Variants in SECISBP2L observed in about 807,000 individuals in gnomAD.
SECISBP2L encodes selenocysteine insertion sequence-binding protein 2-like.
SECISBP2L carries 43 observed loss-of-function variants against 114.7 expected under a neutral mutation model. The ratio of observed to expected loss-of-function variants is 0.38; its 90% CI spans 0.29 to 0.48. SECISBP2L has a LOEUF of 0.48. Ranked by LOEUF, SECISBP2L falls within the 20% of genes least tolerant of loss-of-function variation. The pLI, the probability that SECISBP2L is intolerant of heterozygous loss-of-function variation, is 0.98. For missense variants in SECISBP2L, 1,136 were observed against 1,301.1 expected (o/e 0.87, Z 1.95); for synonymous variants, 451 against 439.7 (o/e 1.03, Z -0.32).
intron 17 of SECISBP2L, among the ~76,000 whole-genome samples, chr15:48,995,357 C>T (rs1902066046): frequency 6.6e-6 from 1 of 152,160 alleles, no homozygotes; most frequent in Admixed American, 6.5e-5. Context: ...CCCTGGCCAA[C>T]AGTTTCCTAA....
chr15:49,031,147 C>T (rs1902881400), intron 4 of SECISBP2L, among the ~76,000 whole-genome samples: 1 of 141,042 alleles, frequency 7.1e-6, no homozygotes, highest in East Asian at 2.2e-4. Flanking sequence ...CTACCAGGTT[C>T]AAGTGATTCT....
Position 49,002,475 on chromosome 15 carries a change from T to C in SECISBP2L, c.2028-1378A>G, listed in dbSNP as rs113542149. On this transcript the variant is annotated intron_variant, in intron 14 of 17. Transcript: ENST00000559471. ...TTTAACTAGATCCCATCTGTCAATT[T>C]TGGCTTTTGTTGCCATTGCTTTTGG... Among the ~76,000 whole-genome samples the C allele has an allele frequency of 3.1e-3, 478 of 152,332 alleles. 1 individual carries two copies. The highest frequency in any genetic ancestry group is 0.011 in the African/African-American group (453 of 41,558).
At chr15:49,028,073 T>C (rs76487480) in intron 6 of SECISBP2L, 71 bp downstream of exon 6, 2 of 1,371,788 alleles carry the variant, frequency 1.5e-6, no homozygotes, top group Non-Finnish European at 2.0e-6. Context: ...GCAAGCCTCA[T>C]GCTTAAAAGG....
rs779181187 is a variant in SECISBP2L at position 49,046,434 on chromosome 15, C to A, written c.-135G>T. 1 of 982,742 alleles carries A rather than the reference C, an allele frequency of 1.0e-6. No individual in the cohort carries two copies. Among genetic ancestry groups the A allele is most frequent in the South Asian group, 2.1e-5 (1 of 46,676 alleles). 60.9% of individuals were successfully genotyped at this position (982,742 alleles called of 1,614,324 possible). On this transcript the variant is annotated 5_prime_UTR_variant, in exon 1 of 18. Transcript: ENST00000559471. The stretch of plus-strand genomic sequence containing the variant: ...TATCTGGCTGGCCGCGACACCGATT[C>A]GGCTACGCCACTGGCCGAGGAGGCG...
intron 1 of SECISBP2L, among the ~76,000 whole-genome samples, chr15:49,040,524 A>ATT (rs1489343303): frequency 3.9e-4 from 28 of 71,110 alleles, no homozygotes; most frequent in South Asian, 8.5e-4. Flanking sequence ...ATCCCAAACT[A>ATT]TTCTTTTTTT....
intron 6 of SECISBP2L, 66 bp from the exon 7 acceptor site, chr15:49,027,546 A>C (rs1165708685): frequency 1.6e-5 from 14 of 865,432 alleles, no homozygotes; most frequent in Non-Finnish European, 2.3e-5. Context: ...AATTGACCTG[A>C]CTTCACATAC....
chr15:49,034,292 C>A (rs1381408691), intron 3 of SECISBP2L, among the ~76,000 whole-genome samples: 1 of 152,300 alleles, frequency 6.6e-6, no homozygotes, highest in East Asian at 1.9e-4. Flanking sequence ...AAAGTGCCAA[C>A]TAGAAACACA....
At chr15:49,035,824 T>C (rs1456422253) in intron 2 of SECISBP2L, among the ~76,000 whole-genome samples, 166 bp from the exon 3 acceptor site, 2 of 152,254 alleles carry the variant, frequency 1.3e-5, no homozygotes. Flanking sequence ...TTCTTTGCTA[T>C]AGAGATCATT....
chr15:49,037,678 T>C lies in SECISBP2L; in HGVS notation c.116A>G (p.Asn39Ser). 3 of 1,613,900 alleles carry C rather than the reference T, an allele frequency of 1.9e-6. No individual in the cohort carries two copies. The highest frequency in any genetic ancestry group is 2.5e-6 in the Non-Finnish European group (3 of 1,179,878). The change falls in exon 2 of 18, where the codon AAT becomes AGT. Residue 39 changes from asparagine to serine, a missense_variant. Around this residue, in one of 2 missense-constraint regions of SECISBP2L, gnomAD observed 452 missense variants for 452.3 expected, o/e 1.00. Transcript: ENST00000559471. ...FMIPMALPND[N>S]GSVSGVEPTP... ...TGGTTCCACACCAGAAACACTTCCA[T>C]TATCATTTGGGAGAGCCATAGGGAT... is the stretch of plus-strand genomic sequence containing the variant.
chr15:49,016,594 C>T lies in SECISBP2L; in HGVS notation c.1527G>A (p.Arg509=), dbSNP rs752665203. Residue 509 remains arginine (R), a synonymous_variant, in exon 11 of 18, where the codon CGG becomes CGA. Transcript: ENST00000559471. ...ACAGAGGTCTGGTGTTAGTAATTTGCCGTGCTTTCATTGCTTGCTGTTGTT... is the reference window on the plus strand; with the variant it reads ...ACAGAGGTCTGGTGTTAGTAATTTGTCGTGCTTTCATTGCTTGCTGTTGTT... ...LEKQQQAMKA[R]QITNTRPLSY... The T allele has an allele frequency of 1.7e-5, 28 of 1,610,646 alleles. No homozygotes were observed. The highest frequency in any genetic ancestry group is 6.7e-5 in the Admixed American group (4 of 59,878).
chr15:49,044,754 C>T (rs1476309806), intron 1 of SECISBP2L, among the ~76,000 whole-genome samples: 2 of 152,154 alleles, frequency 1.3e-5, no homozygotes, highest in Non-Finnish European at 2.9e-5. Context: ...TTGCTCACAG[C>T]ACTTGCTGCT....
chr15:48,993,100 A>AGAGAGTGT lies in SECISBP2L; in HGVS notation c.2624-175_2624-174insACACTCTC, dbSNP rs772299775. 9.3e-3 allele frequency among the ~76,000 whole-genome samples: 1,300 copies of AGAGAGTGT among 139,188 alleles called. 27 individuals carry two copies. Among genetic ancestry groups the AGAGAGTGT allele is most frequent in the African/African-American group, 0.029 (1,039 of 35,402 alleles). The allele number at this position is 139,188 out of a possible 152,430, so 91.3% of individuals were successfully genotyped here. A position where few individuals can be genotyped will look rare whatever the true frequency, so the allele number is the denominator to read the frequency against. On this transcript the variant is annotated intron_variant, in intron 17 of 17. Transcript: ENST00000559471. ...TAGTACTAGTTTGAGACAGAGAGAGAGTGTGTGTGTGTGTGTGTGTGTGTG... is the reference window on the plus strand; with the variant it reads ...TAGTACTAGTTTGAGACAGAGAGAGAGAGAGTGTGTGTGTGTGTGTGTGTGTGTGTGTG...
intron 13 of SECISBP2L, among the ~76,000 whole-genome samples, chr15:49,011,036 T>C (rs183472151): frequency 2.4e-4 from 36 of 152,282 alleles, no homozygotes; most frequent in African/African-American, 7.9e-4. Context: ...TAAACAAACA[T>C]GTCCCCAGTG....
chr15:48,992,532 G>A lies in SECISBP2L; in HGVS notation c.3018C>T (p.Pro1006=), dbSNP rs374172019. The A allele has an allele frequency of 4.3e-6, 7 of 1,614,114 alleles. No individual in the cohort carries two copies. The highest frequency in any genetic ancestry group is 5.1e-6 in the Non-Finnish European group (6 of 1,180,024). Residue 1006 remains proline, a synonymous_variant, in exon 18 of 18, where the codon CCC becomes CCT. Transcript: ENST00000559471. ...TATTGAGCTGCACTTCTACAGATAT[G>A]GGTTCATGAGTATAATCTTCCTCCT... ...EEEEEDYTHE[P]ISVEVQLNSR...
At chr15:49,027,765 C>G (rs1196442870) in intron 6 of SECISBP2L, among the ~76,000 whole-genome samples, 2 of 152,052 alleles carry the variant, frequency 1.3e-5, no homozygotes, top group African/African-American at 4.8e-5. Flanking sequence ...CTCACCACCA[C>G]GTCCAGTTAA....
chr15:48,990,340 T>C lies in SECISBP2L; in HGVS notation c.*1904A>G, dbSNP rs1392066381. 1 of 152,546 alleles carries C rather than the reference T, an allele frequency of 6.6e-6. No individual in the cohort carries two copies. Among genetic ancestry groups the C allele is most frequent in the African/African-American group, 2.4e-5 (1 of 41,454 alleles). 9.4% of individuals were successfully genotyped at this position (152,546 alleles called of 1,614,324 possible). On this transcript the variant is annotated 3_prime_UTR_variant, in exon 18 of 18. Coordinates refer to ENST00000559471, the MANE Select transcript of SECISBP2L (RefSeq NM_001193489.2). ...TGTCAGTAGTTCAAAACCTCTATCA[T>C]TTCTTTAAACCAACGAACACTTCCA...
At position 49,012,799 on chromosome 15, in the gene SECISBP2L, A is replaced by G; in HGVS notation, c.1580T>C (p.Phe527Ser). 6.2e-7 allele frequency: 1 copy of G among 1,611,956 alleles called. No individual in the cohort carries two copies. The highest frequency in any genetic ancestry group is 2.2e-5 in the East Asian group (1 of 44,812). ...TCTATTAGTAGAGTCTTTAGTGTGA[A>G]AAGAAGCTGCAGTAACCACTAAAAA... ...LSYTVVTAAS[F>S]HTKDSTNRKP... The change falls in exon 12 of 18, where the codon TTT becomes TCT. Residue 527 changes from phenylalanine to serine, a missense_variant. Phe to Ser is a radical substitution (Grantham distance 155, BLOSUM62 -2). Coordinates refer to ENST00000559471, the MANE Select transcript of SECISBP2L (RefSeq NM_001193489.2).
Position 48,992,272 on chromosome 15 carries a change from TCA to T in SECISBP2L, c.3276_3277del (p.Asp1093PhefsTer2). 6.2e-7 allele frequency: 1 copy of T among 1,609,956 alleles called. No individual in the cohort carries two copies. Among genetic ancestry groups the T allele is most frequent in the South Asian group, 1.1e-5 (1 of 90,896 alleles). On this transcript the variant is annotated frameshift_variant, in exon 18 of 18. Coordinates refer to ENST00000559471, the MANE Select transcript of SECISBP2L (RefSeq NM_001193489.2). LOFTEE classifies it low-confidence loss of function (END_TRUNC). ...CGTAGTTTGCGTTGTGTAATTAGAA[TCA>T]GAGTGCTCTTTGTTGAGCGAGCTGC...
rs1902568110 is a variant in SECISBP2L, at chr15:49,017,926, G to C, written c.1171-298C>G. The C allele has an allele frequency of 2.5e-5, 6 of 241,920 alleles. No individual in the cohort carries two copies. In the Admixed American group the frequency reaches 2.8e-4, roughly 11 times the overall value. The allele number at this position is 241,920 out of a possible 1,614,324, so 15.0% of individuals were successfully genotyped here. The stretch of plus-strand genomic sequence containing the variant: ...GGGTAATTGAAAAGAAATTCAAACT[G>C]GGTTTTATCACATTCAGATAATTTG... On this transcript the variant is annotated intron_variant, in intron 8 of 17. Coordinates refer to ENST00000559471, the MANE Select transcript of SECISBP2L (RefSeq NM_001193489.2).
Sources: allele counts gnomAD v4.1 joint callset (sites outside exome capture counted in the v4.1 genomes callset), GRCh38; gene constraint gnomAD v4.1.1; regional missense constraint gnomAD v4.1.1; transcripts MANE v1.5; gene names NCBI Gene and HGNC (gene_info 2026-07-23, HGNC 2026-07-21).